Variants in GRIP1 observed in about 807,000 individuals in gnomAD.
GRIP1 encodes glutamate receptor-interacting protein 1.
GRIP1 carries 45 observed loss-of-function variants against 129.9 expected under a neutral mutation model. That is an observed-to-expected ratio of 0.35 (90% CI 0.27 to 0.44). The LOEUF (loss-of-function observed/expected upper bound fraction) is 0.44, where lower values mean the gene tolerates loss of function less well. GRIP1 is among the 20% of genes least tolerant of loss of function. The pLI is 1.00. For synonymous variants in GRIP1, 530 were observed against 520.8 expected, an observed-to-expected ratio of 1.02 and a Z score of -0.24; for missense variants, 1,196 against 1,396.8, an observed-to-expected ratio of 0.86 and a Z score of 2.29.
chr12:66,627,384 T>G (rs1322046745), intron 1 of GRIP1, among the ~76,000 whole-genome samples: 1 of 152,240 alleles, frequency 6.6e-6, no homozygotes, highest in Non-Finnish European at 1.5e-5. Context: ...ATCAGTTCAC[T>G]TTCTCATTCA....
At chr12:66,542,996 A>G (rs2061833426) in intron 2 of GRIP1, among the ~76,000 whole-genome samples, 1 of 152,188 alleles carries the variant, frequency 6.6e-6, no homozygotes, top group Non-Finnish European at 1.5e-5. Flanking sequence ...CCTTTCCCTA[A>G]TTACAGTTAT....
intron 1 of GRIP1, among the ~76,000 whole-genome samples, chr12:66,995,691 G>A (rs1042550622): frequency 1.3e-5 from 2 of 152,128 alleles, no homozygotes; most frequent in African/African-American, 4.8e-5. Flanking sequence ...TAATACAAGT[G>A]TTGGACATGG....
chr12:66,979,678 G>T (rs12312755), intron 1 of GRIP1, among the ~76,000 whole-genome samples: 12 of 152,294 alleles, frequency 7.9e-5, no homozygotes, highest in African/African-American at 2.9e-4. Context: ...AGTCTTTGCA[G>T]ATGTAATCAA....
intron 1 of GRIP1, among the ~76,000 whole-genome samples, chr12:66,898,093 C>A (rs2137258043): frequency 6.6e-6 from 1 of 152,222 alleles, no homozygotes; most frequent in South Asian, 2.1e-4. Flanking sequence ...GTTCCACATT[C>A]CCCAAAAAAT....
chr12:66,583,072 G>C (rs1185543498), intron 2 of GRIP1, among the ~76,000 whole-genome samples: 1 of 151,570 alleles, frequency 6.6e-6, no homozygotes, highest in East Asian at 1.9e-4. Flanking sequence ...TAGATCAATG[G>C]AACAGAACAG....
intron 1 of GRIP1, among the ~76,000 whole-genome samples, chr12:66,647,632 C>T (rs1460630296): frequency 6.6e-6 from 1 of 152,076 alleles, no homozygotes; most frequent in Non-Finnish European, 1.5e-5. Context: ...GAAGGCTAAC[C>T]AGGAAAAGAA....
intron 1 of GRIP1, among the ~76,000 whole-genome samples, chr12:66,986,875 AAT>A (rs1555258064): frequency 6.7e-6 from 1 of 150,004 alleles, no homozygotes; most frequent in African/African-American, 2.4e-5. Flanking sequence ...ATAAAATAAA[AAT>A]AAAAATAAAA....
At chr12:66,576,558 A>G (rs1472086457) in intron 2 of GRIP1, among the ~76,000 whole-genome samples, 2 of 152,228 alleles carry the variant, frequency 1.3e-5, no homozygotes, top group African/African-American at 4.8e-5. Context: ...GGTGATTCTA[A>G]ACTCAAATAT....
chr12:66,715,991 T>C (rs951928606), intron 1 of GRIP1, among the ~76,000 whole-genome samples: 2 of 151,968 alleles, frequency 1.3e-5, no homozygotes, highest in African/African-American at 4.8e-5. Flanking sequence ...GATTTATTTA[T>C]ACCCATTTCT....
At chr12:66,886,948 T>G (rs1417685053) in intron 1 of GRIP1, among the ~76,000 whole-genome samples, 1 of 152,216 alleles carries the variant, frequency 6.6e-6, no homozygotes, top group Non-Finnish European at 1.5e-5. Context: ...CACACCTAAG[T>G]GAGAGCTATA....
intron 9 of GRIP1, among the ~76,000 whole-genome samples, chr12:66,459,884 T>C (rs1231746393): frequency 6.6e-6 from 1 of 152,236 alleles, no homozygotes; most frequent in Non-Finnish European, 1.5e-5. Context: ...TGTTACATTT[T>C]TGGCATGTCC....
At chr12:66,582,968 A>G (rs1442480482) in intron 2 of GRIP1, among the ~76,000 whole-genome samples, 1 of 151,408 alleles carries the variant, frequency 6.6e-6, no homozygotes, top group East Asian at 1.9e-4. Context: ...AAGCCAAAAG[A>G]ACAAAGCTGG....
intron 1 of GRIP1, among the ~76,000 whole-genome samples, chr12:66,902,325 A>G (rs1373956013): frequency 6.6e-6 from 1 of 152,220 alleles, no homozygotes. Flanking sequence ...GAGAATGCCA[A>G]TCATATCACC....
chr12:66,348,916 G>T lies in GRIP1; in HGVS notation c.*103C>A. ...AAAGACCCCTGTGCTTGCAGTTAAT[G>T]CCACGTTGATTGATTATCTGTGCTT... On this transcript the variant is annotated 3_prime_UTR_variant, in exon 25 of 25. Coordinates refer to ENST00000359742, the MANE Select transcript of GRIP1 (RefSeq NM_001366722.1). 3.5e-6 allele frequency: 3 copies of T among 852,028 alleles called. No homozygotes were observed. Among genetic ancestry groups the T allele is most frequent in the Non-Finnish European group, 4.1e-6 (2 of 485,190 alleles). The allele number at this position is 852,028 out of a possible 1,614,324, so 52.8% of individuals were successfully genotyped here.
intron 1 of GRIP1, among the ~76,000 whole-genome samples, chr12:66,973,447 T>C (rs1592412913): frequency 6.6e-6 from 1 of 151,338 alleles, no homozygotes; most frequent in East Asian, 1.9e-4. Context: ...AAACCATTTG[T>C]AATTCCCCTG....
chr12:66,531,053 C>G (rs977374245), intron 4 of GRIP1, among the ~76,000 whole-genome samples: 1 of 151,450 alleles, frequency 6.6e-6, no homozygotes, highest in Non-Finnish European at 1.5e-5. Context: ...TGGCTAAGAT[C>G]GTGAAACCTC....
intron 8 of GRIP1, among the ~76,000 whole-genome samples, chr12:66,463,473 G>C (rs2059196375): frequency 6.6e-6 from 1 of 152,148 alleles, no homozygotes; most frequent in Admixed American, 6.5e-5. Context: ...CTATAAACAT[G>C]AGTGGGTAAA....
intron 1 of GRIP1, among the ~76,000 whole-genome samples, chr12:66,899,446 C>G (rs925437650): frequency 5.6e-5 from 7 of 125,284 alleles, no homozygotes; most frequent in African/African-American, 2.5e-4. Flanking sequence ...TCAGTACATT[C>G]TCAAACTCCT....
chr12:66,631,834 A>G (rs1779436077), intron 1 of GRIP1, among the ~76,000 whole-genome samples: 1 of 152,236 alleles, frequency 6.6e-6, no homozygotes, highest in African/African-American at 2.4e-5. Context: ...CTAGAGCAGA[A>G]CATGTAACAC....
Sources: gnomAD v4.1 joint callset for allele counts (sites outside exome capture counted in the v4.1 genomes callset) on GRCh38, gnomAD v4.1.1 for gene constraint, MANE v1.5 for transcripts, NCBI Gene and HGNC (gene_info 2026-07-23, HGNC 2026-07-21) for gene names.